Variants in SLC1A6 observed in about 807,000 individuals in gnomAD.
SLC1A6 encodes excitatory amino acid transporter 4.
In SLC1A6, 15 loss-of-function variants were observed where a neutral mutation model predicts 42.1. The observed-to-expected ratio is 0.36, with a 90% confidence interval of 0.24 to 0.55. The LOEUF is 0.55. Among genes scored for constraint, SLC1A6 ranks in the 20% least tolerant of loss-of-function variants. SLC1A6 has a pLI of 0.88. For synonymous variants in SLC1A6, 317 were observed against 319.7 expected (o/e 0.99, Z 0.09); for missense variants, 542 against 772.5 (o/e 0.70, Z 3.54).
chr19:14,953,253 A>G (rs10417793), intron 8 of SLC1A6, among the ~76,000 whole-genome samples, 191 bp from the exon 9 acceptor site: 70,063 of 111,502 alleles, frequency 0.63, 19,065 homozygotes, highest in African/African-American at 0.71. Context: ...ATCCCCACCC[A>G]CCCCGCCCCT....
intron 1 of SLC1A6, among the ~76,000 whole-genome samples, chr19:14,988,722 A>C (rs1394367697): frequency 6.6e-6 from 1 of 152,196 alleles, no homozygotes; most frequent in Non-Finnish European, 1.5e-5. Context: ...CAGAAACAGA[A>C]AGTCAAATAC....
At chr19:14,968,638 ACCCC>A in intron 3 of SLC1A6, 131 bp from the exon 4 acceptor site, 2 of 704,846 alleles carry the variant, frequency 2.8e-6, no homozygotes, top group South Asian at 3.8e-5. Context: ...CCTATAGCCC[ACCCC>A]AAAACCCACC....
chr19:14,972,792 C>T lies in SLC1A6; in HGVS notation c.119G>A (p.Arg40His), dbSNP rs540964903. The T allele has an allele frequency of 1.9e-5, 31 of 1,613,362 alleles. 1 individual carries two copies. The highest frequency in any genetic ancestry group is 2.4e-5 in the Non-Finnish European group (28 of 1,179,870). ...LQQRALRTRL[R>H]LQTMTLEHVL... The stretch of plus-strand genomic sequence containing the variant: ...GTGCTCGAGGGTCATGGTCTGCAGG[C>T]GCAGGCGCGTGCGCAGTGCTCTCTG... The change falls in exon 2 of 10, where the codon CGC becomes CAC. Residue 40 changes from arginine to histidine, a missense_variant. Physicochemically the swap from Arg to His is conservative, Grantham distance 29 (BLOSUM62 0). Transcript: ENST00000594383.
Position 14,972,716 on chromosome 19 carries a change from G to T in SLC1A6, c.195C>A (p.Ala65=). 6.2e-7 allele frequency: 1 copy of T among 1,613,860 alleles called. No individual in the cohort carries two copies. The highest frequency in any genetic ancestry group is 8.5e-7 in the Non-Finnish European group (1 of 1,179,928). ...AGAGGCAGAGCTCACCAATGACCAC[G>T]GCGCTGACCGTCAGCAGAATGAAGG... ...RNAFILLTVS[A]VVIGVSLAFA... The change falls in exon 2 of 10, where the codon GCC becomes GCA. Residue 65 remains alanine (A), a synonymous_variant. Transcript: ENST00000594383.
intron 9 of SLC1A6, among the ~76,000 whole-genome samples, chr19:14,952,624 A>G (rs554154629): frequency 3.7e-4 from 57 of 152,156 alleles, no homozygotes; most frequent in African/African-American, 1.4e-3. Flanking sequence ...TTTTTAGTAG[A>G]GACACCGCAC....
At chr19:15,001,596 T>G (rs7248013) in intron 1 of SLC1A6, among the ~76,000 whole-genome samples, 14,826 of 152,166 alleles carry the variant, frequency 0.097, 883 homozygotes, top group East Asian at 0.2. Context: ...GGAACTTGGA[T>G]GCCATTCTAA....
At chr19:15,010,570 C>T in exon 1 of SLC1A6, 2 of 654,714 alleles carry the variant, frequency 3.1e-6, no homozygotes, top group South Asian at 1.6e-5. Flanking sequence ...CTGGAAGCAA[C>T]GGCGAGAAGG....
In SLC1A6 at chr19:14,950,277, C is replaced by T; in HGVS notation, c.1613G>A (p.Ser538Asn). ...GAGGGACTTGTAGGGTTTCCCCAGG[C>T]TGGGGAGGGTAAGCTCAGCTTCCTG... is the stretch of plus-strand genomic sequence containing the variant. ...ELQEAELTLP[S>N]LGKPYKSLMA... is the part of the protein sequence containing the mutation. Residue 538 changes from serine to asparagine, a missense_variant, in exon 10 of 10, where the codon AGC (serine) becomes AAC (asparagine). Ser to Asn is a conservative substitution (Grantham distance 46). Transcript: ENST00000594383. 3.7e-6 allele frequency: 6 copies of T among 1,612,232 alleles called. No individual in the cohort carries two copies. The highest frequency in any genetic ancestry group is 5.1e-6 in the Non-Finnish European group (6 of 1,178,994).
rs192118685 is a variant in SLC1A6 at position 14,994,830 on chromosome 19, A to G, written c.6+15655T>C. Among the ~76,000 whole-genome samples, 234 of 152,336 alleles carry G rather than the reference A, an allele frequency of 1.5e-3. 1 individual carries two copies. The highest frequency in any genetic ancestry group is 2.5e-3 in the Non-Finnish European group (171 of 68,032). ...ATATGTATTTAGAAGAGGAAGAAGA[A>G]AAATAAGCAGGCAGGTAGTAAAGTA... On this transcript the variant is annotated intron_variant, in intron 1 of 8. Transcript: ENST00000430939.
chr19:14,963,393 G>A (rs1463796019), intron 5 of SLC1A6, among the ~76,000 whole-genome samples: 1 of 152,106 alleles, frequency 6.6e-6, no homozygotes, highest in Non-Finnish European at 1.5e-5. Flanking sequence ...ACAACATGGT[G>A]ACTATAGCTA....
intron 1 of SLC1A6, among the ~76,000 whole-genome samples, chr19:14,995,249 C>CTGGAGG (rs61587258): frequency 0.33 from 48,162 of 146,110 alleles, 8,104 homozygotes; most frequent in Non-Finnish European, 0.35. Context: ...TGCTTGAACC[C>CTGGAGG]TGGAGGTGGA....
rs1265564712 is a variant in SLC1A6 at position 14,952,955 on chromosome 19, G to A, written c.1472C>T (p.Thr491Met). 1.9e-6 allele frequency: 3 copies of A among 1,613,860 alleles called. No homozygotes were observed. Among genetic ancestry groups the A allele is most frequent in the East Asian group, 2.2e-5 (1 of 44,854 alleles). The change falls in exon 9 of 10, where the codon ACG becomes ATG. Residue 491 changes from threonine (T) to methionine (M), a missense_variant. This residue lies in a region of SLC1A6 where 54 missense variants were observed against 125.1 expected (regional missense o/e 0.43). Coordinates refer to ENST00000594383, the MANE Select transcript of SLC1A6 (RefSeq NM_005071.3). ...GAACCAGTCCACGGCAATGATGAGC[G>A]TGATGTCTTCCGTGGGCAAGCCGAC... ...TSVGLPTEDI[T>M]LIIAVDWFLD...
chr19:15,004,673 T>C (rs987514537), intron 1 of SLC1A6, among the ~76,000 whole-genome samples: 2 of 151,466 alleles, frequency 1.3e-5, no homozygotes, highest in African/African-American at 4.9e-5. Context: ...CATTTCAGCC[T>C]GGGTGACAGA....
At chr19:15,005,976 G>T (rs376535668) in intron 1 of SLC1A6, among the ~76,000 whole-genome samples, 1 of 152,174 alleles carries the variant, frequency 6.6e-6, no homozygotes, top group Non-Finnish European at 1.5e-5. Flanking sequence ...GAAGGTGGAC[G>T]TACTTCATGA....
intron 1 of SLC1A6, among the ~76,000 whole-genome samples, chr19:15,008,367 T>A (rs1331585624): frequency 6.6e-6 from 1 of 151,646 alleles, no homozygotes; most frequent in African/African-American, 2.4e-5. Context: ...GAGATATATA[T>A]ATACAGAATA....
At chr19:14,953,405 G>A (rs1180311118) in intron 8 of SLC1A6, among the ~76,000 whole-genome samples, 1 of 151,710 alleles carries the variant, frequency 6.6e-6, no homozygotes, top group East Asian at 1.9e-4. Flanking sequence ...ACAGGCACAT[G>A]CCACAACGCC....
At chr19:14,952,037 C>T (rs2045418320) in intron 9 of SLC1A6, among the ~76,000 whole-genome samples, 1 of 151,908 alleles carries the variant, frequency 6.6e-6, no homozygotes, top group South Asian at 2.1e-4. Context: ...GTCTTGAACT[C>T]CTGAACTCAA....
At chr19:14,958,577 C>T (rs996545701) in intron 6 of SLC1A6, among the ~76,000 whole-genome samples, 2 of 152,036 alleles carry the variant, frequency 1.3e-5, no homozygotes, top group Admixed American at 6.6e-5. Context: ...TCAGAGTTAG[C>T]CCTGGGGAGT....
chr19:14,996,999 G>A (rs2045850485), intron 1 of SLC1A6, among the ~76,000 whole-genome samples: 1 of 152,082 alleles, frequency 6.6e-6, no homozygotes, highest in Admixed American at 6.6e-5. Context: ...CTAAGCCAAA[G>A]GGAAAAGTCA....
Sources: allele counts gnomAD v4.1 joint callset (sites outside exome capture counted in the v4.1 genomes callset), GRCh38; gene constraint gnomAD v4.1.1; regional missense constraint gnomAD v4.1.1; transcripts MANE v1.5; gene names NCBI Gene and HGNC (gene_info 2026-07-23, HGNC 2026-07-21).